The following PSPC1 variants were observed in gnomAD, a reference collection of about 807,000 sequenced individuals.
The protein encoded by PSPC1 is paraspeckle component 1, also known as paraspeckle protein 1.
Under a neutral mutation model 51.6 loss-of-function variants are expected in PSPC1, and 14 were observed. That is an observed-to-expected ratio of 0.27 (90% confidence interval 0.18 to 0.42). The LOEUF is 0.42. Ranked by LOEUF, PSPC1 falls within the 10% of genes least tolerant of loss-of-function variation. The probability of loss-of-function intolerance (pLI) is 1.00; values close to 1 mark genes in which losing one functional copy is unlikely to be tolerated. For missense variants in PSPC1, 406 were observed against 701.1 expected, an observed-to-expected ratio of 0.58 and a Z score of 4.75; for synonymous variants, 193 against 231.9, an observed-to-expected ratio of 0.83 and a Z score of 1.53.
intron 5 of PSPC1, among the ~76,000 whole-genome samples, chr13:19,739,839 C>A (rs1370698317): frequency 1.4e-5 from 2 of 143,258 alleles, no homozygotes; most frequent in Non-Finnish European, 1.5e-5. Flanking sequence ...GAGGAAGGCA[C>A]ATTCATGATG....
At chr13:19,735,958 C>G (rs1299819579) in intron 5 of PSPC1, among the ~76,000 whole-genome samples, 1 of 151,952 alleles carries the variant, frequency 6.6e-6, no homozygotes, top group Non-Finnish European at 1.5e-5. Flanking sequence ...GTAGCTGGGA[C>G]TACAGGCGCC....
At chr13:19,724,442 C>T (rs1316514957) in intron 6 of PSPC1, among the ~76,000 whole-genome samples, 2 of 152,048 alleles carry the variant, frequency 1.3e-5, no homozygotes. Flanking sequence ...CAACAAAAAG[C>T]CCATGCAAGA....
At chr13:19,744,018 G>C (rs951886602) in intron 4 of PSPC1, among the ~76,000 whole-genome samples, 11 of 152,190 alleles carry the variant, frequency 7.2e-5, no homozygotes, top group African/African-American at 2.7e-4. Flanking sequence ...TTAGGCAGGA[G>C]AATCACTTGA....
intron 5 of PSPC1, among the ~76,000 whole-genome samples, chr13:19,734,972 C>T (rs1015530883): frequency 8.8e-5 from 13 of 147,816 alleles, no homozygotes; most frequent in African/African-American, 2.7e-4. Context: ...AGCGAGACTC[C>T]GTCTCAAAAA....
chr13:19,691,198 CTG>C (rs1471295959), intron 6 of PSPC1, among the ~76,000 whole-genome samples: 3 of 152,162 alleles, frequency 2.0e-5, no homozygotes, highest in Non-Finnish European at 4.4e-5. Flanking sequence ...ATGTCAAACA[CTG>C]TGTGAACATT....
chr13:19,679,614 C>T (rs1397077114), intron 6 of PSPC1, among the ~76,000 whole-genome samples: 2 of 152,186 alleles, frequency 1.3e-5, no homozygotes, highest in East Asian at 3.8e-4. Flanking sequence ...ATAGCATTTA[C>T]ACTGTATGAG....
At chr13:19,759,704 T>C (rs1206788043) in intron 2 of PSPC1, among the ~76,000 whole-genome samples, 1 of 151,402 alleles carries the variant, frequency 6.6e-6, no homozygotes, top group Non-Finnish European at 1.5e-5. Context: ...CTAGTAAAAA[T>C]ACAAAAAATT....
intron 5 of PSPC1, among the ~76,000 whole-genome samples, chr13:19,741,257 T>C (rs1383344114): frequency 6.6e-6 from 1 of 152,098 alleles, no homozygotes; most frequent in Non-Finnish European, 1.5e-5. Context: ...ACAAAATAAA[T>C]AAGAGCAACG....
Position 19,751,955 on chromosome 13 carries a change from G to A in PSPC1, c.771-488C>T, listed in dbSNP as rs183158546. Among the ~76,000 whole-genome samples, 780 of 152,288 alleles carry A rather than the reference G, an allele frequency of 5.1e-3. 3 individuals carry two copies. The highest frequency in any genetic ancestry group is 0.012 in the Admixed American group (181 of 15,280). The stretch of plus-strand genomic sequence containing the variant: ...CACCTGTAGTCCCAGCTACTCGGGA[G>A]GCTGAGGCAGGAGAATGGCATGAAC... On this transcript the variant is annotated intron_variant, in intron 3 of 8. Coordinates refer to ENST00000338910, the MANE Select transcript of PSPC1 (RefSeq NM_001354909.2).
intron 1 of PSPC1, among the ~76,000 whole-genome samples, chr13:19,774,444 A>C (rs1237936486): frequency 6.6e-6 from 1 of 152,206 alleles, no homozygotes; most frequent in East Asian, 1.9e-4. Context: ...AAACAAATGA[A>C]GTTACCCTTT....
At chr13:19,749,951 AT>A (rs1300241047) in intron 4 of PSPC1, among the ~76,000 whole-genome samples, 1 of 152,228 alleles carries the variant, frequency 6.6e-6, no homozygotes, top group Non-Finnish European at 1.5e-5. Context: ...GTTTTAACGT[AT>A]GTGGCATCAG....
chr13:19,774,260 C>T (rs1888882877), intron 1 of PSPC1, among the ~76,000 whole-genome samples: 1 of 152,038 alleles, frequency 6.6e-6, no homozygotes, highest in African/African-American at 2.4e-5. Context: ...TGGGAACTCT[C>T]CAAGGACAAC....
chr13:19,772,860 A>C (rs1220996347), intron 1 of PSPC1, among the ~76,000 whole-genome samples: 1 of 152,188 alleles, frequency 6.6e-6, no homozygotes, highest in African/African-American at 2.4e-5. Context: ...TTAAGAACAC[A>C]TATTAACAAC....
At chr13:19,733,466 AAAT>A (rs1302162106) in intron 5 of PSPC1, among the ~76,000 whole-genome samples, 2 of 152,040 alleles carry the variant, frequency 1.3e-5, no homozygotes, top group East Asian at 3.8e-4. Flanking sequence ...GAAAAATAGA[AAAT>A]ATTAGCCACG....
At chr13:19,692,765 C>A (rs553136328) in intron 6 of PSPC1, among the ~76,000 whole-genome samples, 6 of 152,124 alleles carry the variant, frequency 3.9e-5, no homozygotes, top group Non-Finnish European at 7.4e-5. Context: ...CACTTTGCAT[C>A]TCCCTCCTCC....
chr13:19,760,844 C>G (rs570460545), intron 2 of PSPC1, among the ~76,000 whole-genome samples: 1 of 151,860 alleles, frequency 6.6e-6, no homozygotes, highest in African/African-American at 2.4e-5. Context: ...AAAAATTAGC[C>G]GGGCGTGGTG....
At chr13:19,671,280 C>A, downstream of PSPC1, 1 of 1,612,548 alleles carries the variant, frequency 6.2e-7, no homozygotes, top group Non-Finnish European at 8.5e-7. Flanking sequence ...CAGAAGCACC[C>A]TCTGCCAAGG....
intron 6 of PSPC1, among the ~76,000 whole-genome samples, chr13:19,690,603 A>T (rs889974257): frequency 1.3e-5 from 2 of 152,152 alleles, no homozygotes; most frequent in African/African-American, 2.4e-5. Flanking sequence ...TGGTCTTCTT[A>T]CTGCTTGGGG....
Position 19,714,904 on chromosome 13 carries a change from G to A in PSPC1, c.1159-5305C>T, listed in dbSNP as rs561179131. 9.9e-5 allele frequency among the ~76,000 whole-genome samples: 15 copies of A among 152,184 alleles called. No individual in the cohort carries two copies. In the East Asian group the frequency reaches 2.5e-3, roughly 25 times the overall value. ...CATACTCCTCCCTTATCACTTCTCCGTATAAAGTCAGGTCTTCTTTGATGC... is the reference window on the plus strand; with the variant it reads ...CATACTCCTCCCTTATCACTTCTCCATATAAAGTCAGGTCTTCTTTGATGC... On this transcript the variant is annotated intron_variant, in intron 6 of 8. Transcript: ENST00000338910.
Sources: gnomAD v4.1 joint callset for allele counts (sites outside exome capture counted in the v4.1 genomes callset) on GRCh38, gnomAD v4.1.1 for gene constraint, MANE v1.5 for transcripts, NCBI Gene and HGNC (gene_info 2026-07-23, HGNC 2026-07-21) for gene names.